C8orf89: variants seen among roughly 807,000 people sequenced by gnomAD.
C8orf89 encodes chromosome 8 open reading frame 89, also known as putative uncharacterized protein C8orf89.
Under a neutral mutation model 15.8 loss-of-function variants are expected in C8orf89, and 14 were observed. The ratio of observed to expected loss-of-function variants is 0.89; its 90% CI spans 0.59 to 1.39. C8orf89 has a LOEUF of 1.39. Among genes scored for constraint, C8orf89 ranks in the 40% most tolerant of loss-of-function variants. The pLI is 0.00. For missense variants in C8orf89, 181 were observed against 184.5 expected, an observed-to-expected ratio of 0.98 and a Z score of 0.11; for synonymous variants, 55 against 62.2, an observed-to-expected ratio of 0.88 and a Z score of 0.54.
chr8:73,283,269 T>C, the C8orf89 span, among the ~76,000 whole-genome samples: 1 of 152,180 alleles, frequency 6.6e-6, no homozygotes, highest in East Asian at 1.9e-4. Flanking sequence ...AAGGGAATTA[T>C]TAATAACATT....
At chr8:73,258,409 C>CAAAAA (rs34265425) in intron 1 of C8orf89, among the ~76,000 whole-genome samples, 24 of 69,104 alleles carry the variant, frequency 3.5e-4, no homozygotes, top group East Asian at 8.7e-4. Context: ...GACTCCATCT[C>CAAAAA]AAAAAAAAAA....
At chr8:73,263,739 G>A (rs1276622952), upstream of C8orf89, among the ~76,000 whole-genome samples, 2 of 152,086 alleles carry the variant, frequency 1.3e-5, no homozygotes, top group Non-Finnish European at 2.9e-5. Context: ...AAGCTTAATT[G>A]GGGCAGTCAG....
chr8:73,246,316 G>C (rs191441955), intron 3 of C8orf89, among the ~76,000 whole-genome samples: 1 of 152,224 alleles, frequency 6.6e-6, no homozygotes, highest in Non-Finnish European at 1.5e-5. Context: ...TGTTAGAAAA[G>C]AGGCTGGCAA....
the C8orf89 span, chr8:73,278,155 C>A: frequency 8.3e-6 from 2 of 240,916 alleles, no homozygotes; most frequent in Non-Finnish European, 1.6e-5. Flanking sequence ...TGAATAGATG[C>A]TTACAAAAAG....
chr8:73,252,199 G>A (rs1813266244), intron 2 of C8orf89, among the ~76,000 whole-genome samples: 1 of 152,138 alleles, frequency 6.6e-6, no homozygotes. Flanking sequence ...AAAGCTATAT[G>A]TATGATATTG....
chr8:73,283,899 C>T, the C8orf89 span, among the ~76,000 whole-genome samples: 1 of 151,826 alleles, frequency 6.6e-6, no homozygotes, highest in African/African-American at 2.4e-5. Flanking sequence ...AAAAATTACT[C>T]GAGCATGGTG....
At chr8:73,266,844 G>GA in the C8orf89 span, among the ~76,000 whole-genome samples, 351 of 145,648 alleles carry the variant, frequency 2.4e-3, 2 homozygotes, top group African/African-American at 7.4e-3. Context: ...CCTGAAAAAA[G>GA]AAAAAAAAAA....
At chr8:73,264,079 A>T (rs555476768), upstream of C8orf89, among the ~76,000 whole-genome samples, 5 of 152,350 alleles carry the variant, frequency 3.3e-5, no homozygotes, top group East Asian at 9.6e-4. Context: ...CACAAGATAC[A>T]TCACAGCCTT....
chr8:73,255,627 A>G (rs1260555145), intron 2 of C8orf89, among the ~76,000 whole-genome samples: 2 of 149,528 alleles, frequency 1.3e-5, no homozygotes, highest in Non-Finnish European at 3.0e-5. Context: ...CCAAAGGACT[A>G]TAAATCATGC....
chr8:73,259,402 G>GT lies in C8orf89; in HGVS notation c.56_57insA (p.Phe20LeufsTer8). The GT allele has an allele frequency of 6.5e-7, 1 of 1,533,008 alleles. No homozygotes were observed. Among genetic ancestry groups the GT allele is most frequent in the Middle Eastern group, 1.7e-4 (1 of 5,980 alleles). The allele number at this position is 1,533,008 out of a possible 1,614,324, so 95.0% of individuals were successfully genotyped here. On this transcript the variant is annotated frameshift_variant, in exon 1 of 4. Coordinates refer to ENST00000624510, the MANE Select transcript of C8orf89 (RefSeq NM_001243237.3). LOFTEE classifies it high-confidence loss of function. Reference sequence around the variant, plus strand: ...TCTCAAAAATCAAACAACTGCCAAAGGAACTTCTGGTGAATTTAGAAGTCT... The same window carrying GT: ...TCTCAAAAATCAAACAACTGCCAAAGTGAACTTCTGGTGAATTTAGAAGTCT...
At chr8:73,285,530 C>T in the C8orf89 span, among the ~76,000 whole-genome samples, 2 of 152,270 alleles carry the variant, frequency 1.3e-5, no homozygotes, top group Non-Finnish European at 2.9e-5. Context: ...GACCTCCCAT[C>T]CAGCCCTGAC....
upstream of C8orf89, among the ~76,000 whole-genome samples, chr8:73,261,667 A>G (rs549833895): frequency 7.2e-5 from 11 of 152,342 alleles, no homozygotes; most frequent in South Asian, 2.3e-3. Flanking sequence ...TGCTTTTTAC[A>G]CTGCTTGAAA....
At chr8:73,277,419 A>T in the C8orf89 span, 1 of 1,198,098 alleles carries the variant, frequency 8.3e-7, no homozygotes, top group Non-Finnish European at 1.2e-6. Flanking sequence ...CCAGAACCAG[A>T]CAAAGTAGGT....
At chr8:73,276,805 ATTTTTT>A in the C8orf89 span, among the ~76,000 whole-genome samples, 7 of 87,638 alleles carry the variant, frequency 8.0e-5, no homozygotes, top group African/African-American at 2.5e-4. Flanking sequence ...CACAGCAGTC[ATTTTTT>A]TTTTTTTTTT....
Position 73,250,329 on chromosome 8 carries a change from T to C in C8orf89, c.282-6A>G. On this transcript the variant is annotated splice_polypyrimidine_tract_variant and splice_region_variant and intron_variant, in intron 2 of 3. Coordinates refer to ENST00000624510, the MANE Select transcript of C8orf89 (RefSeq NM_001243237.3). ...TCTCCTTAGTCTTCTTTAGCCTGAA[T>C]ATTATATATTATCATAAAATTACTT... 6.7e-7 allele frequency: 1 copy of C among 1,492,504 alleles called. No homozygotes were observed. 92.5% of individuals were successfully genotyped at this position (1,492,504 alleles called of 1,614,324 possible).
intron 3 of C8orf89, among the ~76,000 whole-genome samples, chr8:73,244,912 C>T (rs1813090461): frequency 6.6e-6 from 1 of 152,170 alleles, no homozygotes; most frequent in African/African-American, 2.4e-5. Flanking sequence ...AATTTGTACA[C>T]ATGTATTAGT....
the C8orf89 span, among the ~76,000 whole-genome samples, chr8:73,279,178 A>C: frequency 3.3e-5 from 5 of 152,308 alleles, no homozygotes; most frequent in African/African-American, 1.2e-4. Context: ...GCATCTGCCA[A>C]GTCTGCTTCC....
At chr8:73,277,704 C>A in the C8orf89 span, 1 of 751,362 alleles carries the variant, frequency 1.3e-6, no homozygotes, top group Non-Finnish European at 2.5e-6. Flanking sequence ...TGATGTGCTC[C>A]TTTACCACTG....
At chr8:73,275,164 T>C in the C8orf89 span, among the ~76,000 whole-genome samples, 2 of 151,750 alleles carry the variant, frequency 1.3e-5, no homozygotes, top group Non-Finnish European at 2.9e-5. Context: ...ACTGAATAAG[T>C]GGTTATCTCT....
Sources: gnomAD v4.1 joint callset for allele counts (sites outside exome capture counted in the v4.1 genomes callset) on GRCh38, gnomAD v4.1.1 for gene constraint, MANE v1.5 for transcripts, NCBI Gene and HGNC (gene_info 2026-07-23, HGNC 2026-07-21) for gene names.